Variants in DCHS2 observed in about 807,000 individuals in gnomAD.
DCHS2 encodes the protein protocadherin-23.
DCHS2 carries 142 observed loss-of-function variants against 182.4 expected under a neutral mutation model. The observed-to-expected ratio is 0.78, with a 90% CI of 0.68 to 0.89. DCHS2 has a LOEUF of 0.89. Ranked by LOEUF, DCHS2 falls within the 40% of genes least tolerant of loss-of-function variation. The pLI is 0.00. For synonymous variants in DCHS2, 1,740 were observed against 1,663.3 expected (o/e 1.05, Z -1.12); for missense variants, 4,319 against 4,198.6 (o/e 1.03, Z -0.79).
At chr4:154,373,893 A>T (rs778406024) in intron 2 of DCHS2, 1 of 1,578,342 alleles carries the variant, frequency 6.3e-7, no homozygotes, top group African/African-American at 1.4e-5. Context: ...TAAAAGACTC[A>T]GATTATAGAA....
rs528423117 is a variant in DCHS2, at chr4:154,359,734, C to T, written c.2476+6476G>A. On this transcript the variant is annotated intron_variant, in intron 3 of 19. Coordinates refer to ENST00000357232, the MANE Select transcript of DCHS2 (RefSeq NM_001358235.2). The stretch of plus-strand genomic sequence containing the variant: ...GACTAAGTAGTATTGGCTGAAAAAA[C>T]TAGAATGGATTTGAAATTCTATCTC... Among the ~76,000 whole-genome samples the T allele has an allele frequency of 1.1e-4, 17 of 152,076 alleles. No homozygotes were observed. In the East Asian group the frequency reaches 3.3e-3, roughly 29 times the overall value.
Position 154,236,945 on chromosome 4 carries a change from A to G in DCHS2, c.7707T>C (p.Val2569=), listed in dbSNP as rs1289340632. The G allele has an allele frequency of 6.2e-7, 1 of 1,614,070 alleles. No individual in the cohort carries two copies. The highest frequency in any genetic ancestry group is 1.7e-5 in the Admixed American group (1 of 60,016). Residue 2569 remains valine, a synonymous_variant, in exon 20 of 20, where the codon GTT becomes GTC. Coordinates refer to ENST00000357232, the MANE Select transcript of DCHS2 (RefSeq NM_001358235.2). ...AGTCATGGTCGATGTTTGAAAATGT[A>G]ACAAGCGTGCTTCCAACCAGAGCAT... is the stretch of plus-strand genomic sequence containing the variant. The part of the protein sequence containing the change: ...SEDALVGSTL[V]TFSNIDHDWT...
chr4:154,273,238 T>C (rs1431805114), intron 13 of DCHS2, among the ~76,000 whole-genome samples: 1 of 152,032 alleles, frequency 6.6e-6, no homozygotes, highest in Non-Finnish European at 1.5e-5. Context: ...AAATGTGATA[T>C]ATATATATGC....
intron 1 of DCHS2, among the ~76,000 whole-genome samples, chr4:154,382,868 A>T (rs1390368187): frequency 6.6e-6 from 1 of 152,150 alleles, no homozygotes; most frequent in Non-Finnish European, 1.5e-5. Context: ...TGAGGCTATG[A>T]AGAAAAGTGG....
chr4:154,234,410 ACT>A lies in DCHS2; in HGVS notation c.*124_*125del. ...AAACTTTAATGGGGAAGTTTTAAAA[ACT>A]CTAACTAAATTACATCACTTGCTTT... On this transcript the variant is annotated 3_prime_UTR_variant, in exon 20 of 20. Coordinates refer to ENST00000357232, the MANE Select transcript of DCHS2 (RefSeq NM_001358235.2). 1 of 1,331,582 alleles carries A rather than the reference ACT, an allele frequency of 7.5e-7. No homozygotes were observed. The highest frequency in any genetic ancestry group is 1.5e-5 in the African/African-American group (1 of 67,712). The allele number at this position is 1,331,582 out of a possible 1,614,324, so 82.5% of individuals were successfully genotyped here.
intron 2 of DCHS2, among the ~76,000 whole-genome samples, chr4:154,373,260 A>G (rs752771502): frequency 2.0e-5 from 3 of 152,178 alleles, no homozygotes; most frequent in Non-Finnish European, 4.4e-5. Context: ...CTTTTTGACT[A>G]TGCATTTCTG....
chr4:154,388,131 T>C (rs1478935021), intron 1 of DCHS2, among the ~76,000 whole-genome samples: 1 of 152,082 alleles, frequency 6.6e-6, no homozygotes, highest in African/African-American at 2.4e-5. Context: ...TTTCTAAGAA[T>C]ATACATAGAA....
chr4:154,294,425 A>T (rs1412014982), intron 13 of DCHS2, among the ~76,000 whole-genome samples: 1 of 152,130 alleles, frequency 6.6e-6, no homozygotes, highest in African/African-American at 2.4e-5. Context: ...TGCACACAAA[A>T]TTAGTTGATT....
chr4:154,407,058 C>T (rs1351854507), intron 1 of DCHS2, among the ~76,000 whole-genome samples: 2 of 152,214 alleles, frequency 1.3e-5, no homozygotes, highest in Non-Finnish European at 2.9e-5. Flanking sequence ...CTGTCCCACA[C>T]ATACTGGTGT....
rs1215011276 is a variant in DCHS2, at chr4:154,490,466, T to C, written c.890A>G (p.Glu297Gly). 4 of 1,536,872 alleles carry C rather than the reference T, an allele frequency of 2.6e-6. No homozygotes were observed. In the South Asian group the frequency reaches 4.8e-5, roughly 18 times the overall value. Residue 297 changes from glutamate to glycine, a missense_variant, in exon 1 of 20, where the codon GAG (glutamate) becomes GGG (glycine). By Grantham distance (98) the Glu-to-Gly change is moderately conservative (BLOSUM62 -2). Coordinates refer to ENST00000357232, the MANE Select transcript of DCHS2 (RefSeq NM_001358235.2). ...CACCGCGGCGCGGTACTCGTCCTGC[T>C]CAAAGACCGGCGGGTTGTCGTTCTC... is the stretch of plus-strand genomic sequence containing the variant. ...LDENDNPPVF[E>G]QDEYRAAVRE...
rs1021659904 is a variant in DCHS2 at position 154,438,138 on chromosome 4, T to C, written c.2052+51166A>G. Among the ~76,000 whole-genome samples the C allele has an allele frequency of 2.0e-5, 3 of 152,212 alleles. No individual in the cohort carries two copies. In the East Asian group the frequency reaches 5.8e-4, roughly 29 times the overall value. On this transcript the variant is annotated intron_variant, in intron 1 of 19. Coordinates refer to ENST00000357232, the MANE Select transcript of DCHS2 (RefSeq NM_001358235.2). ...AAGACATTTGCCCCTAAAATCATCT[T>C]GCCAGGTAAACCTAATCAAATGGTC...
chr4:154,280,165 A>C (rs1386608059), intron 13 of DCHS2, among the ~76,000 whole-genome samples: 1 of 152,124 alleles, frequency 6.6e-6, no homozygotes, highest in Non-Finnish European at 1.5e-5. Context: ...TAACCTACCA[A>C]GACTGAATCA....
intron 4 of DCHS2, chr4:154,334,020 T>C (rs991981390): frequency 1.3e-5 from 2 of 153,592 alleles, no homozygotes; most frequent in Non-Finnish European, 2.9e-5. Context: ...ACGAAAAGAA[T>C]GTCCAATGGG....
intron 1 of DCHS2, among the ~76,000 whole-genome samples, chr4:154,422,157 G>A (rs942962168): frequency 6.6e-6 from 1 of 152,162 alleles, no homozygotes; most frequent in Non-Finnish European, 1.5e-5. Context: ...GTCCCTCCAA[G>A]GTGGGGTCTT....
chr4:154,388,729 C>T (rs1731534284), intron 1 of DCHS2, among the ~76,000 whole-genome samples: 1 of 151,924 alleles, frequency 6.6e-6, no homozygotes, highest in African/African-American at 2.4e-5. Flanking sequence ...CTCCTGACCT[C>T]GTGATCCACC....
chr4:154,261,798 C>G (rs923356605), intron 14 of DCHS2: 7 of 152,144 alleles, frequency 4.6e-5, no homozygotes, highest in Non-Finnish European at 1.0e-4. Flanking sequence ...AACCAAATTA[C>G]TTCACAAACC....
chr4:154,327,062 A>AT (rs1736312504), intron 7 of DCHS2, among the ~76,000 whole-genome samples: 1 of 151,928 alleles, frequency 6.6e-6, no homozygotes, highest in Non-Finnish European at 1.5e-5. Flanking sequence ...AATATTTTAT[A>AT]TTTTTCTGTA....
intron 12 of DCHS2, 178 bp from the exon 13 acceptor site, chr4:154,298,886 C>T: frequency 3.6e-6 from 3 of 840,050 alleles, no homozygotes; most frequent in Non-Finnish European, 4.9e-6. Flanking sequence ...AAGGCTCTGC[C>T]CTCATGAAAC....
intron 13 of DCHS2, among the ~76,000 whole-genome samples, chr4:154,276,643 T>C (rs1418173092): frequency 6.6e-6 from 1 of 152,186 alleles, no homozygotes; most frequent in East Asian, 1.9e-4. Flanking sequence ...GTCCAACCAT[T>C]GAAACTAAAC....
Sources: gnomAD v4.1 joint callset for allele counts (sites outside exome capture counted in the v4.1 genomes callset) on GRCh38, gnomAD v4.1.1 for gene constraint, MANE v1.5 for transcripts, NCBI Gene and HGNC (gene_info 2026-07-23, HGNC 2026-07-21) for gene names.